Variants in ULK1 observed in about 807,000 individuals in gnomAD.
The protein encoded by ULK1 is unc-51 like autophagy activating kinase 1, also known as serine/threonine-protein kinase ULK1.
A neutral mutation model predicts 117.5 loss-of-function variants in ULK1; 48 were observed. The observed-to-expected ratio is 0.41, with a 90% CI of 0.32 to 0.52. ULK1 has a LOEUF of 0.52. Among genes scored for constraint, ULK1 ranks in the 20% least tolerant of loss-of-function variants. The pLI is 0.29. For synonymous variants in ULK1, 790 were observed against 637.8 expected (o/e 1.24, Z -3.60); for missense variants, 1,387 against 1,473.4 (o/e 0.94, Z 0.96).
intron 16 of ULK1, 55 bp downstream of exon 16, chr12:131,914,532 G>C (rs996546750): frequency 6.4e-7 from 1 of 1,572,940 alleles, no homozygotes; most frequent in Non-Finnish European, 8.6e-7. Context: ...TGTGGCAGGA[G>C]CCCTTCCACG....
chr12:131,906,176 C>T (rs1374094289), intron 3 of ULK1, among the ~76,000 whole-genome samples: 1 of 152,148 alleles, frequency 6.6e-6, no homozygotes, highest in Non-Finnish European at 1.5e-5. Context: ...TCACTGCAGC[C>T]TTCTCCTCCC....
chr12:131,921,046 G>A, intron 26 of ULK1, 54 bp from the exon 27 acceptor site: 2 of 1,528,498 alleles, frequency 1.3e-6, no homozygotes, highest in Non-Finnish European at 1.8e-6. Context: ...GGCAGCCCTT[G>A]CTGGGAGGGA....
chr12:131,910,639 G>C (rs1889489771), intron 11 of ULK1, 73 bp from the exon 12 acceptor site: 2 of 1,612,422 alleles, frequency 1.2e-6, no homozygotes, highest in Non-Finnish European at 1.7e-6. Context: ...AGCTTGTCCA[G>C]TCTGTGGGTT....
In ULK1 at chr12:131,919,600, G is replaced by GCGAC. The variant is rs766993565; in HGVS notation, c.2803+13_2803+16dup. Reference sequence around the variant, plus strand: ...TCCACTGTGAAGCAGGGTGAGGGCTGCGACCGCTCAGCCCACATGCCGGGT... The same window carrying GCGAC: ...TCCACTGTGAAGCAGGGTGAGGGCTGCGACCGACCGCTCAGCCCACATGCCGGGT... On this transcript the variant is annotated intron_variant, in intron 25 of 27. Transcript: ENST00000321867. 5 of 1,610,296 alleles carry GCGAC rather than the reference G, an allele frequency of 3.1e-6. No individual in the cohort carries two copies. The East Asian group carries it at 1.1e-4, about 36-fold the overall frequency.
At chr12:131,909,522 G>A (rs1466381479) in intron 8 of ULK1, among the ~76,000 whole-genome samples, 1 of 152,178 alleles carries the variant, frequency 6.6e-6, no homozygotes, top group Non-Finnish European at 1.5e-5. Flanking sequence ...AGAGGTGAGG[G>A]CAGCGCCGGG....
At chr12:131,904,896 G>T (rs1174259113) in intron 3 of ULK1, among the ~76,000 whole-genome samples, 2 of 152,104 alleles carry the variant, frequency 1.3e-5, no homozygotes, top group Non-Finnish European at 2.9e-5. Context: ...TCCTTCCTGG[G>T]TTCTGCCCGG....
chr12:131,916,194 G>A, intron 19 of ULK1, 35 bp downstream of exon 19: 1 of 1,592,014 alleles, frequency 6.3e-7, no homozygotes, highest in Non-Finnish European at 8.5e-7. Flanking sequence ...GGGGCACAGA[G>A]CCCTGGGGAA....
intron 15 of ULK1, 52 bp from the exon 16 acceptor site, chr12:131,914,300 A>G: frequency 6.3e-7 from 1 of 1,590,590 alleles, no homozygotes; most frequent in Non-Finnish European, 8.5e-7. Context: ...CCATGACCTC[A>G]GCCTCTTGTG....
At chr12:131,916,713 G>GC in intron 20 of ULK1, 122 bp downstream of exon 20, 1 of 1,283,134 alleles carries the variant, frequency 7.8e-7, no homozygotes, top group Non-Finnish European at 1.0e-6. Context: ...TTCTGTGGGT[G>GC]CCCAGTGTGG....
intron 23 of ULK1, 21 bp downstream of exon 23, chr12:131,918,702 A>G: frequency 7.7e-7 from 1 of 1,303,716 alleles, no homozygotes; most frequent in Non-Finnish European, 1.0e-6. Flanking sequence ...GAGTGAGCAA[A>G]GGTTCCCATT....
At chr12:131,897,406 C>T (rs989247160) in intron 3 of ULK1, 16 of 152,264 alleles carry the variant, frequency 1.1e-4, no homozygotes, top group Admixed American at 5.2e-4. Flanking sequence ...GCCCTCCGTT[C>T]TCAGGCCCCT....
chr12:131,914,550 T>A, intron 16 of ULK1, 73 bp downstream of exon 16: 2 of 1,543,592 alleles, frequency 1.3e-6, no homozygotes, highest in Non-Finnish European at 1.8e-6. Flanking sequence ...ACGGCTCCCA[T>A]AGAGGGACAG....
chr12:131,907,368 C>G (rs963501646), intron 4 of ULK1, 127 bp from the exon 5 acceptor site: 2 of 1,231,830 alleles, frequency 1.6e-6, no homozygotes, highest in Admixed American at 2.5e-5. Context: ...GACACCTGCC[C>G]TGGGCTGGGC....
chr12:131,908,943 C>A lies in ULK1; in HGVS notation c.536C>A (p.Ala179Asp). ...ARYLQSNMMAATLCGSPMYMA... is the reference protein window; with the variant it reads ...ARYLQSNMMADTLCGSPMYMA... Reference sequence around the variant, plus strand: ...TACCTCCAGAGCAACATGATGGCGGCCACACTCTGCGGCTCCCCCATGTAC... The same window carrying A: ...TACCTCCAGAGCAACATGATGGCGGACACACTCTGCGGCTCCCCCATGTAC... Residue 179 changes from alanine (A) to aspartate (D), a missense_variant, in exon 7 of 28, where the codon GCC (alanine) becomes GAC (aspartate). Coordinates refer to ENST00000321867, the MANE Select transcript of ULK1 (RefSeq NM_003565.4). The A allele has an allele frequency of 6.2e-7, 1 of 1,612,602 alleles. No individual in the cohort carries two copies. The highest frequency in any genetic ancestry group is 8.5e-7 in the Non-Finnish European group (1 of 1,179,852).
chr12:131,920,225 G>A (rs545564285), intron 26 of ULK1, 89 bp downstream of exon 26: 11 of 1,494,234 alleles, frequency 7.4e-6, no homozygotes, highest in Admixed American at 4.2e-5. Flanking sequence ...TGCCCACAGC[G>A]TGGTGAGACT....
chr12:131,920,007 G>C lies in ULK1; in HGVS notation c.2832G>C (p.Lys944Asn). The change falls in exon 26 of 28, where the codon AAG (lysine) becomes AAC (asparagine). Residue 944 changes from lysine to asparagine, a missense_variant. Lys to Asn is a moderately conservative substitution (Grantham distance 94). Around this residue, in one of 4 missense-constraint regions of ULK1, gnomAD observed 900 missense variants for 858.9 expected, o/e 1.05. Transcript: ENST00000321867. ...QVVRRLNELY[K>N]ASVVSCQGLS... Reference sequence around the variant, plus strand: ...TGCGCAGGCTGAATGAGCTGTACAAGGCCAGCGTGGTGTCCTGCCAGGGCC... The same window carrying C: ...TGCGCAGGCTGAATGAGCTGTACAACGCCAGCGTGGTGTCCTGCCAGGGCC... The C allele has an allele frequency of 6.2e-7, 1 of 1,612,842 alleles. No individual in the cohort carries two copies. The highest frequency in any genetic ancestry group is 1.1e-5 in the South Asian group (1 of 91,088).
chr12:131,917,528 A>G lies in ULK1; in HGVS notation c.2300A>G (p.Gln767Arg). 6.9e-7 allele frequency: 1 copy of G among 1,448,306 alleles called. No homozygotes were observed. Among genetic ancestry groups the G allele is most frequent in the Non-Finnish European group, 9.1e-7 (1 of 1,096,566 alleles). The allele number at this position is 1,448,306 out of a possible 1,614,324, so 89.7% of individuals were successfully genotyped here. A position where few individuals can be genotyped will look rare whatever the true frequency, so the allele number is the denominator to read the frequency against. ...GSPPSGSTPP[Q>R]GPRTRMFSAG... is the part of the protein sequence containing the mutation. ...CCCCCGAGCGGGAGCACGCCCCCCC[A>G]GGGCCCCCGCACCAGGATGTTCTCA... Residue 767 changes from glutamine (Q) to arginine (R), a missense_variant, in exon 22 of 28, where the codon CAG becomes CGG. Physicochemically the swap from Gln to Arg is conservative, Grantham distance 43 (BLOSUM62 1). Around this residue, in one of 4 missense-constraint regions of ULK1, gnomAD observed 900 missense variants for 858.9 expected, o/e 1.05. Transcript: ENST00000321867.
rs754357095 is a variant in ULK1, at chr12:131,918,485, C to T, written c.2327-12C>T. 1.2e-6 allele frequency: 2 copies of T among 1,607,040 alleles called. No individual in the cohort carries two copies. The highest frequency in any genetic ancestry group is 2.2e-5 in the East Asian group (1 of 44,606). On this transcript the variant is annotated splice_polypyrimidine_tract_variant and intron_variant, in intron 22 of 27. Transcript: ENST00000321867. ...TGGTCCTGGTGTGCCCCTCATCGCC[C>T]TCTCCCTGCAGCGGGCCCCACTGGC... is the stretch of plus-strand genomic sequence containing the variant.
intron 11 of ULK1, 54 bp from the exon 12 acceptor site, chr12:131,910,658 G>A: frequency 6.2e-7 from 1 of 1,612,834 alleles, no homozygotes. Flanking sequence ...TTGGCTCGAG[G>A]GTGAGGAGGA....
Sources: gnomAD v4.1 joint callset for allele counts (sites outside exome capture counted in the v4.1 genomes callset) on GRCh38, gnomAD v4.1.1 for gene constraint, gnomAD v4.1.1 regional missense constraint, MANE v1.5 for transcripts, NCBI Gene and HGNC (gene_info 2026-07-23, HGNC 2026-07-21) for gene names.